ANKRD11: variants seen among roughly 807,000 people sequenced by gnomAD.
The protein encoded by ANKRD11 is ankyrin repeat domain-containing protein 11.
ANKRD11 carries 17 observed loss-of-function variants against 195.7 expected under a neutral mutation model. The observed-to-expected ratio is 0.09, with a 90% CI of 0.06 to 0.13. The LOEUF (loss-of-function observed/expected upper bound fraction) is 0.13. Among genes scored for constraint, ANKRD11 ranks in the 10% least tolerant of loss-of-function variants. The pLI is 1.00. For missense variants in ANKRD11, 3,735 were observed against 3,566.1 expected (o/e 1.05, Z -1.21); for synonymous variants, 1,953 against 1,528.1 (o/e 1.28, Z -6.49).
At chr16:89,310,921 A>T (rs1244209426) in intron 3 of ANKRD11, among the ~76,000 whole-genome samples, 1 of 152,186 alleles carries the variant, frequency 6.6e-6, no homozygotes, top group East Asian at 1.9e-4. Flanking sequence ...TGGAGTCTGC[A>T]GGACGATGCT....
chr16:89,319,074 G>C (rs75214895), intron 2 of ANKRD11, among the ~76,000 whole-genome samples: 6,828 of 152,264 alleles, frequency 0.045, 491 homozygotes, highest in African/African-American at 0.15. Flanking sequence ...GGATTATCTG[G>C]AATTAACATT....
rs983580349 is a variant in ANKRD11, at chr16:89,319,093, T to C, written c.-59-2015A>G. On this transcript the variant is annotated intron_variant, in intron 2 of 12. Transcript: ENST00000301030. ...TATCTGGAATTAACATTTTAAAAAA[T>C]CCAGACTGTCTGCTCTCAGGACGGA... Among the ~76,000 whole-genome samples, 10 of 152,176 alleles carry C rather than the reference T, an allele frequency of 6.6e-5. No homozygotes were observed. In the East Asian group the frequency reaches 1.9e-3, roughly 29 times the overall value.
intron 2 of ANKRD11, among the ~76,000 whole-genome samples, chr16:89,407,059 A>C (rs2041933772): frequency 6.6e-6 from 1 of 152,086 alleles, no homozygotes; most frequent in African/African-American, 2.4e-5. Flanking sequence ...GGTGGCAGGC[A>C]TCTGTAACCC....
intron 1 of ANKRD11, among the ~76,000 whole-genome samples, chr16:89,460,708 G>A (rs1422270007): frequency 1.3e-5 from 2 of 152,164 alleles, no homozygotes; most frequent in East Asian, 3.9e-4. Context: ...CTGCACTCCA[G>A]CCCGAGCAAG....
chr16:89,297,831 T>C (rs917696687), intron 4 of ANKRD11: 1 of 152,204 alleles, frequency 6.6e-6, no homozygotes, highest in Non-Finnish European at 1.5e-5. Flanking sequence ...ATTGATCACT[T>C]AAAGAAAGAC....
At chr16:89,323,518 T>A (rs578169992) in intron 2 of ANKRD11, among the ~76,000 whole-genome samples, 24 of 59,898 alleles carry the variant, frequency 4.0e-4, no homozygotes, top group African/African-American at 1.4e-3. Flanking sequence ...GCAGGGGGGC[T>A]GAGCCGAGGG....
intron 2 of ANKRD11, chr16:89,324,834 C>G: frequency 3.5e-6 from 1 of 286,134 alleles, no homozygotes; most frequent in South Asian, 3.1e-5. Flanking sequence ...CTTCCTGGCT[C>G]CTCAGCTTGC....
At chr16:89,381,054 G>A (rs924779653) in intron 2 of ANKRD11, among the ~76,000 whole-genome samples, 12 of 152,218 alleles carry the variant, frequency 7.9e-5, no homozygotes, top group African/African-American at 2.9e-4. Flanking sequence ...TGGGCGAGGT[G>A]GCTCAGGCCT....
At chr16:89,394,895 C>T (rs1397656113) in intron 2 of ANKRD11, among the ~76,000 whole-genome samples, 3 of 152,116 alleles carry the variant, frequency 2.0e-5, no homozygotes, top group African/African-American at 7.2e-5. Context: ...TGTTGGAAAG[C>T]CTAAAGCTTT....
intron 1 of ANKRD11, among the ~76,000 whole-genome samples, chr16:89,446,901 A>C (rs1025628568): frequency 4.6e-5 from 7 of 151,390 alleles, no homozygotes; most frequent in African/African-American, 1.5e-4. Flanking sequence ...CCTGCCACAC[A>C]CCCTCTGTCC....
At chr16:89,429,963 C>G (rs1366810513) in intron 1 of ANKRD11, among the ~76,000 whole-genome samples, 1 of 105,632 alleles carries the variant, frequency 9.5e-6, no homozygotes, top group Non-Finnish European at 1.9e-5. Flanking sequence ...TTCTAGTACA[C>G]AGCAGGGATT....
At chr16:89,300,859 T>A in intron 4 of ANKRD11, 1 of 702,136 alleles carries the variant, frequency 1.4e-6, no homozygotes, top group Non-Finnish European at 2.6e-6. Flanking sequence ...TTCCCCTTGT[T>A]CCAAAGAAAC....
At chr16:89,359,504 T>G (rs923386162) in intron 2 of ANKRD11, among the ~76,000 whole-genome samples, 3 of 152,226 alleles carry the variant, frequency 2.0e-5, no homozygotes, top group African/African-American at 7.2e-5. Context: ...ATGGCAGCAC[T>G]GTGACCTCAC....
At chr16:89,476,790 T>G (rs1344229558) in intron 1 of ANKRD11, among the ~76,000 whole-genome samples, 5 of 152,180 alleles carry the variant, frequency 3.3e-5, no homozygotes, top group Admixed American at 2.0e-4. Flanking sequence ...CACCACACTC[T>G]GAATCTGGTT....
chr16:89,334,363 G>A (rs1206182590), intron 2 of ANKRD11, among the ~76,000 whole-genome samples: 1 of 151,804 alleles, frequency 6.6e-6, no homozygotes, highest in African/African-American at 2.4e-5. Context: ...CCCCAAGACT[G>A]AACAGAAACA....
In ANKRD11 at chr16:89,465,309, G is replaced by C. The variant is rs185292858; in HGVS notation, c.-145+24936C>G. On this transcript the variant is annotated intron_variant, in intron 1 of 12. Transcript: ENST00000301030. ...ATCTAAACCCTAAAAATAGCAAAAT[G>C]TCAGACTCCCACATATCAACAGAAA... Among the ~76,000 whole-genome samples the C allele has an allele frequency of 4.6e-5, 7 of 152,304 alleles. No homozygotes were observed. In the East Asian group the frequency reaches 9.6e-4, roughly 21 times the overall value.
intron 2 of ANKRD11, among the ~76,000 whole-genome samples, chr16:89,353,446 A>T (rs1203139422): frequency 6.6e-6 from 1 of 152,134 alleles, no homozygotes; most frequent in African/African-American, 2.4e-5. Context: ...CAGTAAGAGG[A>T]ACACCAGTCC....
At chr16:89,442,554 C>G (rs1478052419) in intron 1 of ANKRD11, among the ~76,000 whole-genome samples, 2 of 152,164 alleles carry the variant, frequency 1.3e-5, no homozygotes, top group South Asian at 2.1e-4. Context: ...TAGGTCAAAA[C>G]AAACCTGTTT....
intron 2 of ANKRD11, among the ~76,000 whole-genome samples, chr16:89,356,816 C>T (rs1343186314): frequency 6.6e-6 from 1 of 150,562 alleles, no homozygotes; most frequent in Non-Finnish European, 1.5e-5. Context: ...AAAAAAAGAA[C>T]GTAATGGTAC....
Sources: gnomAD v4.1 joint callset for allele counts (sites outside exome capture counted in the v4.1 genomes callset) on GRCh38, gnomAD v4.1.1 for gene constraint, MANE v1.5 for transcripts, NCBI Gene and HGNC (gene_info 2026-07-23, HGNC 2026-07-21) for gene names.